Variants in C4orf51 observed in about 807,000 individuals in gnomAD.
The protein encoded by C4orf51 is uncharacterized protein C4orf51.
Under a neutral mutation model 25.2 loss-of-function variants are expected in C4orf51, and 25 were observed. The ratio of observed to expected loss-of-function variants is 0.99; its 90% confidence interval spans 0.72 to 1.39. The LOEUF (loss-of-function observed/expected upper bound fraction) is 1.39. C4orf51 is among the 40% of genes most tolerant of loss of function. The pLI, the probability that C4orf51 is intolerant of heterozygous loss-of-function variation, is 0.00. For missense variants in C4orf51, 252 were observed against 239.6 expected (o/e 1.05, Z -0.34); for synonymous variants, 100 against 84.5 (o/e 1.18, Z -1.01).
chr4:145,770,725 A>G (rs1736152896), intron 1 of C4orf51, among the ~76,000 whole-genome samples: 1 of 152,192 alleles, frequency 6.6e-6, no homozygotes, highest in African/African-American at 2.4e-5. Context: ...ATATCCATGG[A>G]GGGGATTATT....
At position 145,761,024 on chromosome 4, in the gene C4orf51, C is replaced by A; in HGVS notation, n.167-9964C>A. 1 of 1,281,640 alleles carries A rather than the reference C, an allele frequency of 7.8e-7. No individual in the cohort carries two copies. Among genetic ancestry groups the A allele is most frequent in the Non-Finnish European group, 1.0e-6 (1 of 983,612 alleles). The allele number at this position is 1,281,640 out of a possible 1,614,324, so 79.4% of individuals were successfully genotyped here. On this transcript the variant is annotated intron_variant and non_coding_transcript_variant, in intron 1 of 1. Coordinates refer to the C4orf51 transcript ENST00000510096. This position sits in a 1 kb window ranked among gnomAD's most constrained non-coding sequence, Gnocchi z 6.8. Reference sequence around the variant, plus strand: ...GCCAGGTTGGGCTCTGAGCTGCTGCCGTGGGCTGCCGACAGGGCCACGGTC... The same window carrying A: ...GCCAGGTTGGGCTCTGAGCTGCTGCAGTGGGCTGCCGACAGGGCCACGGTC...
intron 1 of C4orf51, among the ~76,000 whole-genome samples, chr4:145,768,916 T>TATATATATATATATATAGATAAAA (rs34051922): frequency 2.9e-5 from 1 of 34,416 alleles, no homozygotes; most frequent in Non-Finnish European, 5.2e-5. Context: ...TATATATATA[T>TATATATATATATATATAGATAAAA]TAGGTATACA....
At chr4:145,752,018 C>T (rs1276838859) in intron 1 of C4orf51, among the ~76,000 whole-genome samples, 1 of 152,164 alleles carries the variant, frequency 6.6e-6, no homozygotes, top group Non-Finnish European at 1.5e-5. Context: ...GTGAATGCTG[C>T]CTGGCCTGGG....
downstream of C4orf51, chr4:145,758,690 G>A (rs190354536): frequency 1.3e-5 from 2 of 152,334 alleles, no homozygotes; most frequent in East Asian, 3.9e-4. Flanking sequence ...TTGACGTGGC[G>A]AGGTTGAACA....
intron 1 of C4orf51, among the ~76,000 whole-genome samples, chr4:145,768,359 T>G (rs1735640966): frequency 2.0e-5 from 3 of 152,112 alleles, no homozygotes; most frequent in African/African-American, 7.2e-5. Flanking sequence ...GAGACAGGGT[T>G]TCACCATGTT....
At chr4:145,738,459 C>CATATATATATAT (rs58754234) in intron 1 of C4orf51, among the ~76,000 whole-genome samples, 1 of 146,652 alleles carries the variant, frequency 6.8e-6, no homozygotes, top group African/African-American at 2.5e-5. Flanking sequence ...CGAAAAAAAA[C>CATATATATATAT]ATATATATAT....
At chr4:145,776,977 T>C in the C4orf51 span, among the ~76,000 whole-genome samples, 1 of 152,202 alleles carries the variant, frequency 6.6e-6, no homozygotes, top group East Asian at 1.9e-4. Context: ...ATCACACAGA[T>C]AAAGGTAATA....
chr4:145,775,052 G>A (rs1233098105), downstream of C4orf51, among the ~76,000 whole-genome samples: 1 of 152,174 alleles, frequency 6.6e-6, no homozygotes, highest in African/African-American at 2.4e-5. Flanking sequence ...TAAACTCGGA[G>A]AGCACCTCAT....
chr4:145,768,916 T>TAA (rs34051922), intron 1 of C4orf51, among the ~76,000 whole-genome samples: 2,457 of 34,382 alleles, frequency 0.071, 629 homozygotes, highest in East Asian at 0.13. Context: ...TATATATATA[T>TAA]TAGGTATACA....
chr4:145,754,490 G>C (rs991184308), downstream of C4orf51: 18 of 152,340 alleles, frequency 1.2e-4, no homozygotes, highest in African/African-American at 4.3e-4. Flanking sequence ...CAGAGTTGGA[G>C]AGATGAAAGT....
intron 1 of C4orf51, among the ~76,000 whole-genome samples, chr4:145,769,161 T>A (rs1311369425): frequency 6.6e-6 from 1 of 151,882 alleles, no homozygotes; most frequent in Non-Finnish European, 1.5e-5. Context: ...TTCACAATTT[T>A]AAAAATCTTG....
At chr4:145,770,787 C>T (rs1736163539) in intron 1 of C4orf51, among the ~76,000 whole-genome samples, 1 of 152,122 alleles carries the variant, frequency 6.6e-6, no homozygotes, top group Admixed American at 6.5e-5. Flanking sequence ...TAATATTTCA[C>T]TAATTGAATA....
At chr4:145,782,293 G>A in the C4orf51 span, among the ~76,000 whole-genome samples, 2 of 152,208 alleles carry the variant, frequency 1.3e-5, no homozygotes, top group African/African-American at 2.4e-5. Context: ...GAGGCAGTCG[G>A]GGGAGGAGTA....
At chr4:145,701,634 G>A (rs189068781) in intron 2 of C4orf51, among the ~76,000 whole-genome samples, 5,501 of 151,536 alleles carry the variant, frequency 0.036, 289 homozygotes, top group African/African-American at 0.12. Context: ...TCTCACAGTG[G>A]AAGGTAAGTC....
chr4:145,772,236 G>A (rs575086469), downstream of C4orf51, among the ~76,000 whole-genome samples: 1 of 152,328 alleles, frequency 6.6e-6, no homozygotes, highest in East Asian at 1.9e-4. Context: ...CACTTGTACT[G>A]TGTAGGGCCT....
intron 1 of C4orf51, among the ~76,000 whole-genome samples, chr4:145,747,744 TTTCC>T (rs1319981800): frequency 1.1e-3 from 167 of 145,738 alleles, no homozygotes; most frequent in South Asian, 9.6e-3. Context: ...CTCTTTTTCT[TTTCC>T]TTCCTTCCTT....
intron 1 of C4orf51, among the ~76,000 whole-genome samples, chr4:145,748,636 G>C (rs1468581140): frequency 6.6e-6 from 1 of 151,890 alleles, no homozygotes; most frequent in African/African-American, 2.4e-5. Flanking sequence ...CTTCATTGAC[G>C]CACCGACCAT....
At chr4:145,754,211 C>T (rs1363439600) in exon 2 of C4orf51, 1 of 152,236 alleles carries the variant, frequency 6.6e-6, no homozygotes, top group Non-Finnish European at 1.5e-5. Flanking sequence ...TTGTAGCAAC[C>T]AGCTCGGGTC....
At chr4:145,754,898 T>G (rs759177466), downstream of C4orf51, among the ~76,000 whole-genome samples, 1 of 152,176 alleles carries the variant, frequency 6.6e-6, no homozygotes, top group Non-Finnish European at 1.5e-5. Context: ...ATCATGCCAC[T>G]GTACTCCAGC....
Sources: gnomAD v4.1 joint callset for allele counts (sites outside exome capture counted in the v4.1 genomes callset) on GRCh38, gnomAD v4.1.1 for gene constraint, Gnocchi (gnomAD v3.1) non-coding constraint, MANE v1.5 for transcripts, NCBI Gene and HGNC (gene_info 2026-07-23, HGNC 2026-07-21) for gene names.